Variants in DLG2 observed in about 807,000 individuals in gnomAD.
The protein encoded by DLG2 is disks large homolog 2.
DLG2 carries 45 observed loss-of-function variants against 132.5 expected under a neutral mutation model. The observed-to-expected ratio is 0.34, with a 90% confidence interval of 0.27 to 0.44. DLG2 has a LOEUF of 0.44. Ranked by LOEUF, DLG2 falls within the 20% of genes least tolerant of loss-of-function variation. DLG2 has a pLI of 1.00. For synonymous variants in DLG2, 424 were observed against 419.6 expected, an observed-to-expected ratio of 1.01 and a Z score of -0.13; for missense variants, 1,045 against 1,196.9, an observed-to-expected ratio of 0.87 and a Z score of 1.87.
intron 3 of DLG2, among the ~76,000 whole-genome samples, chr11:85,304,919 T>C (rs2079840143): frequency 6.6e-6 from 1 of 152,238 alleles, no homozygotes; most frequent in African/African-American, 2.4e-5. Context: ...GTATTTATTG[T>C]CTGTCTTCTC....
chr11:84,093,153 C>A (rs2097120328), intron 10 of DLG2, among the ~76,000 whole-genome samples: 1 of 152,108 alleles, frequency 6.6e-6, no homozygotes, highest in African/African-American at 2.4e-5. Flanking sequence ...AAGTCTAGCA[C>A]AGCGAGGCCA....
chr11:84,438,092 T>C (rs78415092), intron 7 of DLG2, among the ~76,000 whole-genome samples: 6,972 of 152,104 alleles, frequency 0.046, 476 homozygotes, highest in African/African-American at 0.14. Context: ...CCCACTCATA[T>C]CCTCCAAGAG....
intron 3 of DLG2, among the ~76,000 whole-genome samples, chr11:85,555,527 A>G (rs1291361617): frequency 6.6e-6 from 1 of 151,924 alleles, no homozygotes; most frequent in Non-Finnish European, 1.5e-5. Flanking sequence ...CTAATTTTCT[A>G]AGCATCTCTT....
At chr11:85,024,140 G>T (rs1237738486) in intron 6 of DLG2, among the ~76,000 whole-genome samples, 2 of 152,018 alleles carry the variant, frequency 1.3e-5, no homozygotes. Context: ...ATTTCAGGGG[G>T]TTGATGGGAA....
intron 9 of DLG2, among the ~76,000 whole-genome samples, chr11:84,142,430 A>G (rs763929306): frequency 6.6e-5 from 10 of 152,130 alleles, no homozygotes; most frequent in Non-Finnish European, 1.2e-4. Flanking sequence ...TTGTGATTAC[A>G]AAGGTGAACA....
intron 6 of DLG2, among the ~76,000 whole-genome samples, chr11:85,051,896 A>G (rs961129263): frequency 1.3e-5 from 2 of 152,184 alleles, no homozygotes; most frequent in Non-Finnish European, 2.9e-5. Flanking sequence ...AAGCCATCTG[A>G]TAAGTCATGC....
intron 21 of DLG2, among the ~76,000 whole-genome samples, chr11:83,493,336 T>TTTCTTTCCTTCCTTCCTTCC (rs1351498007): frequency 1.5e-5 from 2 of 132,060 alleles, no homozygotes; most frequent in Non-Finnish European, 3.2e-5. Flanking sequence ...CTTTTCTTTC[T>TTTCTTTCCTTCCTTCCTTCC]TTCCTTCCTT....
chr11:84,813,082 G>T (rs2076740211), intron 6 of DLG2, among the ~76,000 whole-genome samples: 1 of 151,990 alleles, frequency 6.6e-6, no homozygotes, highest in Non-Finnish European at 1.5e-5. Context: ...AGATCCACTG[G>T]CATATATAAG....
At chr11:83,709,695 G>A (rs544796081) in intron 18 of DLG2, among the ~76,000 whole-genome samples, 1 of 152,296 alleles carries the variant, frequency 6.6e-6, no homozygotes, top group Admixed American at 6.5e-5. Flanking sequence ...TTCAGAAGGT[G>A]AAACTTGACT....
chr11:85,056,252 T>G (rs528603739), intron 6 of DLG2, among the ~76,000 whole-genome samples: 26 of 152,222 alleles, frequency 1.7e-4, no homozygotes, highest in Middle Eastern at 3.4e-3. Context: ...GATGTTATCC[T>G]TCACTAAAAA....
intron 19 of DLG2, among the ~76,000 whole-genome samples, chr11:83,565,062 C>T (rs144754170): frequency 8.1e-4 from 124 of 152,326 alleles, no homozygotes; most frequent in African/African-American, 2.7e-3. Flanking sequence ...TAATGACTAT[C>T]ATGTTGCCAT....
At chr11:85,554,739 G>A (rs757074065) in intron 3 of DLG2, among the ~76,000 whole-genome samples, 21 of 151,738 alleles carry the variant, frequency 1.4e-4, no homozygotes, top group Non-Finnish European at 2.9e-4. Flanking sequence ...TATTGCACCA[G>A]AGGTCACAAG....
chr11:83,985,494 T>G (rs151085506), intron 11 of DLG2, among the ~76,000 whole-genome samples: 6 of 152,080 alleles, frequency 3.9e-5, no homozygotes. Context: ...TTCTTCCTGA[T>G]GCTCTTCTTC....
chr11:84,247,487 G>C (rs80125169), intron 8 of DLG2, among the ~76,000 whole-genome samples: 1,623 of 152,154 alleles, frequency 0.011, 11 homozygotes, highest in Middle Eastern at 0.037. Flanking sequence ...ATCTTTCCTT[G>C]TTTCTGCTTG....
chr11:84,976,264 C>A (rs1053920515), intron 6 of DLG2, among the ~76,000 whole-genome samples: 1 of 152,002 alleles, frequency 6.6e-6, no homozygotes, highest in Admixed American at 6.6e-5. Context: ...CAAGAATAAA[C>A]AGATTGGGGA....
intron 22 of DLG2, among the ~76,000 whole-genome samples, chr11:83,482,453 A>G (rs2093199278): frequency 6.6e-6 from 1 of 152,130 alleles, no homozygotes; most frequent in African/African-American, 2.4e-5. Context: ...ATAATGTAGT[A>G]TATTAAGACA....
chr11:85,059,823 T>C (rs1017187670), intron 6 of DLG2, among the ~76,000 whole-genome samples: 5 of 151,618 alleles, frequency 3.3e-5, no homozygotes, highest in African/African-American at 1.2e-4. Context: ...TGTGTTCACT[T>C]TGTGAAAATT....
intron 2 of DLG2, among the ~76,000 whole-genome samples, chr11:85,610,545 A>G (rs773544156): frequency 2.0e-5 from 3 of 152,208 alleles, no homozygotes; most frequent in Non-Finnish European, 2.9e-5. Context: ...GTTTAGGGAT[A>G]GCCCTTACCT....
chr11:84,730,799 GAA>G (rs2153811154), intron 6 of DLG2, among the ~76,000 whole-genome samples: 1 of 152,112 alleles, frequency 6.6e-6, no homozygotes, highest in African/African-American at 2.4e-5. Context: ...TATGTCACAA[GAA>G]GGGGCCCTCA....
Sources: allele counts gnomAD v4.1 joint callset (sites outside exome capture counted in the v4.1 genomes callset), GRCh38; gene constraint gnomAD v4.1.1; transcripts MANE v1.5; gene names NCBI Gene and HGNC (gene_info 2026-07-23, HGNC 2026-07-21).